The following LOC400499 variants were observed in gnomAD, a reference collection of about 807,000 sequenced individuals.
At chr16:11,425,342 G>A in the LOC400499 span, 134 of 399,334 alleles carry the variant, frequency 3.4e-4, no homozygotes, top group African/African-American at 2.4e-3. Flanking sequence ...CACAGGTCAC[G>A]CTGCGCACGC....
the LOC400499 span, among the ~76,000 whole-genome samples, chr16:11,428,496 T>C: frequency 6.6e-6 from 1 of 152,068 alleles, no homozygotes; most frequent in African/African-American, 2.4e-5. Context: ...TTTTAGACCA[T>C]ATGACGTAAC....
chr16:11,433,012 T>A, the LOC400499 span, among the ~76,000 whole-genome samples: 1 of 152,352 alleles, frequency 6.6e-6, no homozygotes, highest in South Asian at 2.1e-4. Flanking sequence ...GTTGGAAAAC[T>A]ACAGCTTGTG....
the LOC400499 span, among the ~76,000 whole-genome samples, chr16:11,453,377 T>C: frequency 6.6e-6 from 1 of 152,012 alleles, no homozygotes; most frequent in African/African-American, 2.4e-5. Flanking sequence ...CATAAGCACA[T>C]ATCCAAGGCT....
the LOC400499 span, among the ~76,000 whole-genome samples, chr16:11,525,247 G>T: frequency 1.3e-5 from 2 of 150,646 alleles, no homozygotes; most frequent in African/African-American, 4.9e-5. Context: ...CCACTGCCTG[G>T]TGCGATCGTA....
At chr16:11,412,296 G>A in the LOC400499 span, among the ~76,000 whole-genome samples, 1 of 152,214 alleles carries the variant, frequency 6.6e-6, no homozygotes, top group East Asian at 1.9e-4. Flanking sequence ...CCTAGGCACT[G>A]TAAGATGCTT....
the LOC400499 span, chr16:11,484,829 C>A: frequency 5.6e-5 from 22 of 390,624 alleles, no homozygotes; most frequent in South Asian, 2.6e-3. Context: ...ACGCATGAAG[C>A]GGGGTGGGCC....
At chr16:11,488,507 C>T in the LOC400499 span, among the ~76,000 whole-genome samples, 1 of 152,112 alleles carries the variant, frequency 6.6e-6, no homozygotes, top group African/African-American at 2.4e-5. Flanking sequence ...GCAGACTTGA[C>T]CTCCTGGGCT....
the LOC400499 span, among the ~76,000 whole-genome samples, chr16:11,386,190 C>A: frequency 1.3e-5 from 2 of 152,210 alleles, no homozygotes; most frequent in African/African-American, 4.8e-5. Flanking sequence ...GGGTAGGGAA[C>A]AGATGGCCTG....
chr16:11,405,676 C>G, the LOC400499 span, among the ~76,000 whole-genome samples: 3 of 152,146 alleles, frequency 2.0e-5, no homozygotes, highest in Admixed American at 6.5e-5. Flanking sequence ...TCACTACTGC[C>G]CCCAGCTTGG....
At chr16:11,373,394 G>A in the LOC400499 span, among the ~76,000 whole-genome samples, 1 of 152,206 alleles carries the variant, frequency 6.6e-6, no homozygotes, top group Non-Finnish European at 1.5e-5. Context: ...ACCCAGGCTG[G>A]AGTACAGTGG....
the LOC400499 span, among the ~76,000 whole-genome samples, chr16:11,434,804 G>A: frequency 3.9e-5 from 6 of 152,254 alleles, no homozygotes; most frequent in South Asian, 4.1e-4. Flanking sequence ...AGAGGCAGCC[G>A]TGGCCGAGTT....
the LOC400499 span, among the ~76,000 whole-genome samples, chr16:11,373,494 C>T: frequency 1.3e-5 from 2 of 152,042 alleles, no homozygotes; most frequent in Admixed American, 1.3e-4. Flanking sequence ...CCACCACGCC[C>T]GGCTAATTTT....
chr16:11,435,086 C>G, the LOC400499 span, among the ~76,000 whole-genome samples: 3 of 152,170 alleles, frequency 2.0e-5, no homozygotes, highest in African/African-American at 7.2e-5. Context: ...CTCAAGCAAT[C>G]CTCTCGCCTC....
At chr16:11,407,281 A>G in the LOC400499 span, 6 of 398,952 alleles carry the variant, frequency 1.5e-5, no homozygotes, top group Non-Finnish European at 2.2e-5. Context: ...TGTGAAAATG[A>G]CGCTCCTCCA....
At chr16:11,486,264 TGGATGGAG>T in the LOC400499 span, among the ~76,000 whole-genome samples, 5,698 of 60,168 alleles carry the variant, frequency 0.095, 1,330 homozygotes, top group African/African-American at 0.12. Flanking sequence ...AATAGATGGA[TGGATGGAG>T]GGATGGATGG....
At chr16:11,433,160 C>T in the LOC400499 span, among the ~76,000 whole-genome samples, 1 of 152,154 alleles carries the variant, frequency 6.6e-6, no homozygotes, top group East Asian at 1.9e-4. Context: ...ACCATATGGC[C>T]CACAAAGCTG....
At chr16:11,404,820 C>T in the LOC400499 span, 16 of 398,984 alleles carry the variant, frequency 4.0e-5, no homozygotes, top group Non-Finnish European at 4.0e-5. Flanking sequence ...CCCATGAGCT[C>T]GCTCGTATGC....
At chr16:11,376,492 C>A in the LOC400499 span, among the ~76,000 whole-genome samples, 1 of 152,114 alleles carries the variant, frequency 6.6e-6, no homozygotes, top group Non-Finnish European at 1.5e-5. Flanking sequence ...TTATTGAAAT[C>A]ATTTGACCAC....
chr16:11,388,925 A>G, the LOC400499 span, among the ~76,000 whole-genome samples: 1 of 152,110 alleles, frequency 6.6e-6, no homozygotes, highest in Non-Finnish European at 1.5e-5. Context: ...CGTCTCTACT[A>G]AAAATACAAA....
Sources: allele counts gnomAD v4.1 joint callset (sites outside exome capture counted in the v4.1 genomes callset), GRCh38; gene constraint gnomAD v4.1.1; transcripts MANE v1.5.